The following PIPOX variants were observed in gnomAD, a reference collection of about 807,000 sequenced individuals.
PIPOX encodes the protein pipecolic acid and sarcosine oxidase, also known as peroxisomal sarcosine oxidase.
A neutral mutation model predicts 47.9 loss-of-function variants in PIPOX; 45 were observed. The ratio of observed to expected loss-of-function variants is 0.94; its 90% confidence interval spans 0.74 to 1.20. The LOEUF (loss-of-function observed/expected upper bound fraction) is 1.20, where lower values mean the gene tolerates loss of function less well. PIPOX is among the 50% of genes most tolerant of loss of function. The probability of loss-of-function intolerance (pLI) is 0.00; values close to 1 mark genes in which losing one functional copy is unlikely to be tolerated. For synonymous variants in PIPOX, 165 were observed against 191.3 expected, an observed-to-expected ratio of 0.86 and a Z score of 1.13; for missense variants, 458 against 498.4, an observed-to-expected ratio of 0.92 and a Z score of 0.77.
At chr17:29,047,358 A>C (rs1264595460) in intron 2 of PIPOX, among the ~76,000 whole-genome samples, 1 of 152,228 alleles carries the variant, frequency 6.6e-6, no homozygotes, top group Non-Finnish European at 1.5e-5. Flanking sequence ...CCTGACACCT[A>C]TAACTCATTC....
Position 29,052,209 on chromosome 17 carries a change from CAG to C in PIPOX, c.264-705_264-704del, listed in dbSNP as rs534562037. 3.5e-3 allele frequency among the ~76,000 whole-genome samples: 527 copies of C among 152,234 alleles called. 2 individuals are homozygous for C. The highest frequency in any genetic ancestry group is 0.014 in the Middle Eastern group (4 of 294). On this transcript the variant is annotated intron_variant, in intron 2 of 7. Coordinates refer to ENST00000323372, the MANE Select transcript of PIPOX (RefSeq NM_016518.3). ...GGGGAGGGCAGGGGAGAATACAGAA[CAG>C]AGAGATCAAAATAGTGAATGGGATC...
intron 1 of PIPOX, 66 bp from the exon 2 acceptor site, chr17:29,044,793 C>A: frequency 6.7e-7 from 1 of 1,503,726 alleles, no homozygotes; most frequent in Non-Finnish European, 9.0e-7. Context: ...GCTGATATGG[C>A]TCTTAACAGG....
chr17:29,056,022 C>G, intron 7 of PIPOX, 134 bp downstream of exon 7: 3 of 1,254,722 alleles, frequency 2.4e-6, no homozygotes, highest in Non-Finnish European at 3.5e-6. Context: ...GGAGGCTGGG[C>G]AGTCAGAAAA....
chr17:29,055,769 C>A, intron 6 of PIPOX, 44 bp from the exon 7 acceptor site: 1 of 1,498,178 alleles, frequency 6.7e-7, no homozygotes, highest in Non-Finnish European at 9.3e-7. Context: ...TCTTTCTCTT[C>A]CCTCGAGCCT....
chr17:29,054,998 C>T lies in PIPOX; in HGVS notation c.808-65C>T, dbSNP rs930723805. On this transcript the variant is annotated intron_variant, in intron 5 of 7. Transcript: ENST00000323372. ...GGGCTGTCCTGTGTACACGCCTGCCCTTCGGCTGTGGGTGTGTGTGGAAGG... is the reference window on the plus strand; with the variant it reads ...GGGCTGTCCTGTGTACACGCCTGCCTTTCGGCTGTGGGTGTGTGTGGAAGG... 2.6e-5 allele frequency: 41 copies of T among 1,598,488 alleles called. No homozygotes were observed. The South Asian group carries it at 4.5e-4, about 18-fold the overall frequency.
At chr17:29,050,050 T>G (rs1241837909) in intron 2 of PIPOX, among the ~76,000 whole-genome samples, 2 of 152,292 alleles carry the variant, frequency 1.3e-5, no homozygotes, top group Non-Finnish European at 1.5e-5. Context: ...ATTTCATAAT[T>G]CAACAGATAT....
chr17:29,055,673 C>T (rs1006194300), intron 6 of PIPOX, 140 bp from the exon 7 acceptor site: 6 of 745,044 alleles, frequency 8.1e-6, no homozygotes, highest in Admixed American at 2.0e-5. Context: ...CAGAGGGGCA[C>T]GGGCATGCGG....
intron 2 of PIPOX, among the ~76,000 whole-genome samples, chr17:29,050,801 G>T (rs1482161813): frequency 6.6e-6 from 1 of 151,646 alleles, no homozygotes; most frequent in Non-Finnish European, 1.5e-5. Context: ...CCCCAGCCTG[G>T]GTGATAGAGT....
At position 29,043,233 on chromosome 17, in the gene PIPOX, C is replaced by T. The variant is rs1463503363; in HGVS notation, c.8C>T (p.Ala3Val). Residue 3 changes from alanine (A) to valine (V), a missense_variant, in exon 1 of 8, where the codon GCT becomes GTT. Ala to Val is a moderately conservative substitution (Grantham distance 64). Transcript: ENST00000323372. MA[A>V]QKDLWDAIVI... ...GTGGGGCTGAGTGGCATCATGGCGGCTCAGAAAGATCTCTGGGACGCCATT... is the reference window on the plus strand; with the variant it reads ...GTGGGGCTGAGTGGCATCATGGCGGTTCAGAAAGATCTCTGGGACGCCATT... The T allele has an allele frequency of 6.2e-7, 1 of 1,611,570 alleles. No individual in the cohort carries two copies. Among genetic ancestry groups the T allele is most frequent in the Non-Finnish European group, 8.5e-7 (1 of 1,178,424 alleles).
At chr17:29,055,745 T>C in intron 6 of PIPOX, 68 bp from the exon 7 acceptor site, 1 of 1,303,022 alleles carries the variant, frequency 7.7e-7, no homozygotes, top group South Asian at 1.2e-5. Flanking sequence ...CCCCTTCCAG[T>C]TAGAGCCTGC....
chr17:29,055,227 G>C lies in PIPOX; in HGVS notation c.966+6G>C, dbSNP rs757756024. 6.2e-7 allele frequency: 1 copy of C among 1,614,140 alleles called. No individual in the cohort carries two copies. Among genetic ancestry groups the C allele is most frequent in the South Asian group, 1.1e-5 (1 of 91,086 alleles). The stretch of plus-strand genomic sequence containing the variant: ...TTGAGAGCTGCATGTACACGGTAAG[G>C]GGTCTGGGCAGCCTTGCTGGGCCCC... On this transcript the variant is annotated splice_donor_region_variant and intron_variant, in intron 6 of 7. Coordinates refer to ENST00000323372, the MANE Select transcript of PIPOX (RefSeq NM_016518.3).
At chr17:29,044,826 GC>G (rs2065778686) in intron 1 of PIPOX, 32 bp from the exon 2 acceptor site, 3 of 1,591,896 alleles carry the variant, frequency 1.9e-6, no homozygotes, top group Middle Eastern at 1.7e-4. Context: ...AGGGGTAATG[GC>G]TTCCATCATC....
chr17:29,044,884 G>T lies in PIPOX; in HGVS notation c.140G>T (p.Ser47Ile). The T allele has an allele frequency of 6.2e-7, 1 of 1,613,380 alleles. No individual in the cohort carries two copies. Among genetic ancestry groups the T allele is most frequent in the South Asian group, 1.1e-5 (1 of 90,938 alleles). Residue 47 changes from serine to isoleucine, a missense_variant, in exon 2 of 8, where the codon AGC becomes ATC. Physicochemically the swap from Ser to Ile is moderately radical, Grantham distance 142. Transcript: ENST00000323372. ...TTCTTTCTACCACACTCCCGAGGAA[G>T]CTCCCATGGACAAAGCCGGATAATC... ...EQFFLPHSRGSSHGQSRIIRK... is the reference protein window; with the variant it reads ...EQFFLPHSRGISHGQSRIIRK...
At chr17:29,051,356 A>T (rs2065805438) in intron 2 of PIPOX, among the ~76,000 whole-genome samples, 1 of 152,032 alleles carries the variant, frequency 6.6e-6, no homozygotes, top group Non-Finnish European at 1.5e-5. Context: ...GTGTACTGAC[A>T]CCCGCCCCAG....
In PIPOX at chr17:29,044,961, C is replaced by T; in HGVS notation, c.217C>T (p.Gln73Ter). Residue 73 changes from glutamine to a stop codon, truncating the protein, a stop_gained, in exon 2 of 8, where the codon CAG becomes TAG. Transcript: ENST00000323372. LOFTEE classifies it high-confidence loss of function. The stretch of plus-strand genomic sequence containing the variant: ...CACCCGGATGATGCATGAGTGCTAT[C>T]AGATATGGGCCCAGCTGGAGCACGA... ...FYTRMMHECY[Q>*]IWAQLEHEAG... is the part of the protein sequence containing the mutation. 1 of 1,613,716 alleles carries T rather than the reference C, an allele frequency of 6.2e-7. No homozygotes were observed.
At chr17:29,051,230 T>TCTCA (rs2065804944) in intron 2 of PIPOX, among the ~76,000 whole-genome samples, 1 of 152,190 alleles carries the variant, frequency 6.6e-6, no homozygotes, top group Non-Finnish European at 1.5e-5. Context: ...GGATTTCCAC[T>TCTCA]GCATCTTTCC....
At position 29,055,902 on chromosome 17, in the gene PIPOX, G is replaced by C. The variant is rs1039848693; in HGVS notation, c.1042+14G>C. ...CTGGATTCTCTGGTGAGTCTGAGCTGGGGGGAATGGGGTGCCTTAAAGCTG... is the reference window on the plus strand; with the variant it reads ...CTGGATTCTCTGGTGAGTCTGAGCTCGGGGGAATGGGGTGCCTTAAAGCTG... On this transcript the variant is annotated intron_variant, in intron 7 of 7. Coordinates refer to ENST00000323372, the MANE Select transcript of PIPOX (RefSeq NM_016518.3). 19 of 1,609,216 alleles carry C rather than the reference G, an allele frequency of 1.2e-5. No homozygotes were observed. Among genetic ancestry groups the C allele is most frequent in the Non-Finnish European group, 1.4e-5 (16 of 1,175,684 alleles).
intron 2 of PIPOX, among the ~76,000 whole-genome samples, chr17:29,049,118 G>A (rs1156878601): frequency 6.6e-6 from 1 of 152,138 alleles, no homozygotes; most frequent in East Asian, 1.9e-4. Flanking sequence ...CAAGGCCCTC[G>A]GGAGGAATCT....
intron 2 of PIPOX, among the ~76,000 whole-genome samples, chr17:29,049,895 C>T (rs1295759736): frequency 6.6e-6 from 1 of 152,152 alleles, no homozygotes; most frequent in Non-Finnish European, 1.5e-5. Context: ...AAAGAAATGC[C>T]ACAGGGGCAG....
Sources: gnomAD v4.1 joint callset for allele counts (sites outside exome capture counted in the v4.1 genomes callset) on GRCh38, gnomAD v4.1.1 for gene constraint, MANE v1.5 for transcripts, NCBI Gene and HGNC (gene_info 2026-07-23, HGNC 2026-07-21) for gene names.